Variants in NRP2 observed in about 807,000 individuals in gnomAD.
NRP2 encodes neuropilin 2.
NRP2 carries 52 observed loss-of-function variants against 110.4 expected under a neutral mutation model. That is an observed-to-expected ratio of 0.47 (90% CI 0.38 to 0.59). NRP2 has a LOEUF of 0.59. Ranked by LOEUF, NRP2 falls within the 20% of genes least tolerant of loss-of-function variation. The pLI is 0.00. For missense variants in NRP2, 1,049 were observed against 1,203.0 expected (o/e 0.87, Z 1.89); for synonymous variants, 508 against 468.9 (o/e 1.08, Z -1.08).
intron 1 of NRP2, among the ~76,000 whole-genome samples, chr2:205,691,624 CT>C (rs1170543351): frequency 6.6e-6 from 1 of 152,192 alleles, no homozygotes; most frequent in African/African-American, 2.4e-5. Context: ...TATTATATTA[CT>C]TTTTTTTCTC....
rs565041244 is a variant in NRP2, at chr2:205,755,099, G to A, written c.2044+2124G>A. 2.6e-4 allele frequency among the ~76,000 whole-genome samples: 39 copies of A among 152,222 alleles called. No homozygotes were observed. In the South Asian group the frequency reaches 7.1e-3, roughly 28 times the overall value. On this transcript the variant is annotated intron_variant, in intron 12 of 16. Coordinates refer to ENST00000357785, the MANE Select transcript of NRP2 (RefSeq NM_003872.3). ...GGCCTGGACCTCTGTTTCTTCACCC[G>A]TTCACCACCGCCTCCTCCTCGTCCA...
rs1314025691 is a variant in NRP2 at position 205,682,542 on chromosome 2, C to CACAT, written c.-748_-745dup. 4 of 153,652 alleles carry CACAT rather than the reference C, an allele frequency of 2.6e-5. No homozygotes were observed. The highest frequency in any genetic ancestry group is 9.6e-5 in the African/African-American group (4 of 41,464). 9.5% of individuals were successfully genotyped at this position (153,652 alleles called of 1,614,324 possible). ...GCACCAGCCTGCAGCCGGCCCCCAGCACATCCTCAGCCGCACAGACACTCG... is the reference window on the plus strand; with the variant it reads ...GCACCAGCCTGCAGCCGGCCCCCAGCACATACATCCTCAGCCGCACAGACACTCG... On this transcript the variant is annotated 5_prime_UTR_variant, in exon 1 of 17. Transcript: ENST00000357785. The surrounding 1 kb of genome is among the most constrained non-coding windows in gnomAD (Gnocchi z 4.3).
intron 15 of NRP2, among the ~76,000 whole-genome samples, chr2:205,788,060 C>T (rs1185992614): frequency 6.6e-6 from 1 of 152,092 alleles, no homozygotes; most frequent in East Asian, 1.9e-4. Context: ...GTTTCTGGAA[C>T]AGTCTTGTGG....
In NRP2 at chr2:205,766,772, G is replaced by T; in HGVS notation, c.2405-11G>T. ...TTTAACTAAGTCCAATTTTTTGTTTGTTTTTTTCAGAACCCATCTCGGCTT... is the reference window on the plus strand; with the variant it reads ...TTTAACTAAGTCCAATTTTTTGTTTTTTTTTTTCAGAACCCATCTCGGCTT... On this transcript the variant is annotated splice_polypyrimidine_tract_variant and intron_variant, in intron 14 of 16. Transcript: ENST00000357785. The T allele has an allele frequency of 6.2e-7, 1 of 1,612,190 alleles. No individual in the cohort carries two copies. Among genetic ancestry groups the T allele is most frequent in the South Asian group, 1.1e-5 (1 of 90,908 alleles).
At chr2:205,747,560 A>G (rs1327577310) in intron 10 of NRP2, among the ~76,000 whole-genome samples, 2 of 152,240 alleles carry the variant, frequency 1.3e-5, no homozygotes, top group African/African-American at 2.4e-5. Flanking sequence ...TATAGTCGGT[A>G]TGTTTTAAAA....
intron 2 of NRP2, among the ~76,000 whole-genome samples, chr2:205,701,965 C>T (rs2056569152): frequency 6.6e-6 from 1 of 152,204 alleles, no homozygotes; most frequent in Non-Finnish European, 1.5e-5. Context: ...CCAGTATTGC[C>T]ATAATTGGAA....
At chr2:205,692,374 T>A (rs997936451) in intron 1 of NRP2, among the ~76,000 whole-genome samples, 1 of 152,234 alleles carries the variant, frequency 6.6e-6, no homozygotes, top group Admixed American at 6.5e-5. Context: ...CAGGCTGAAG[T>A]TGCTTTGAAT....
chr2:205,792,369 C>T (rs752224111), intron 16 of NRP2, 84 bp downstream of exon 16: 34 of 945,568 alleles, frequency 3.6e-5, no homozygotes, highest in East Asian at 9.6e-5. Context: ...CTCTGGGTAT[C>T]GGAGGGCCCA....
At chr2:205,691,787 A>G (rs372974653) in intron 1 of NRP2, among the ~76,000 whole-genome samples, 5 of 152,328 alleles carry the variant, frequency 3.3e-5, no homozygotes, top group African/African-American at 1.2e-4. Context: ...CATAAATATA[A>G]ACTAATGACA....
At chr2:205,755,015 A>G (rs1252555629) in intron 12 of NRP2, among the ~76,000 whole-genome samples, 2 of 152,138 alleles carry the variant, frequency 1.3e-5, no homozygotes, top group Non-Finnish European at 2.9e-5. Context: ...CCAGGCCACA[A>G]GGCCACCAAT....
At chr2:205,721,189 T>C (rs2057004272) in intron 3 of NRP2, among the ~76,000 whole-genome samples, 1 of 152,202 alleles carries the variant, frequency 6.6e-6, no homozygotes, top group Admixed American at 6.5e-5. Flanking sequence ...AAGGCATCGC[T>C]GCAGGCTCAG....
intron 7 of NRP2, among the ~76,000 whole-genome samples, chr2:205,728,860 G>T (rs2057181695): frequency 1.3e-5 from 2 of 152,240 alleles, no homozygotes; most frequent in Non-Finnish European, 2.9e-5. Context: ...GATGCCCCCT[G>T]CAGAGCAGGA....
intron 7 of NRP2, among the ~76,000 whole-genome samples, chr2:205,736,718 T>C (rs2057349778): frequency 2.6e-5 from 4 of 152,168 alleles, no homozygotes; most frequent in Admixed American, 2.6e-4. Flanking sequence ...GTATCTAAGG[T>C]TTATTGATTT....
At chr2:205,788,257 A>C (rs1411394957) in intron 15 of NRP2, among the ~76,000 whole-genome samples, 1 of 152,114 alleles carries the variant, frequency 6.6e-6, no homozygotes, top group East Asian at 1.9e-4. Flanking sequence ...AAATGACCAG[A>C]GTTTTGTGAA....
At chr2:205,765,593 A>T in intron 14 of NRP2, 23 bp downstream of exon 14, 1 of 1,591,966 alleles carries the variant, frequency 6.3e-7, no homozygotes. Flanking sequence ...CTGTCTCTTC[A>T]TGGTTCTTTC....
intron 2 of NRP2, among the ~76,000 whole-genome samples, chr2:205,708,269 G>A (rs1031361050): frequency 3.9e-5 from 6 of 152,262 alleles, no homozygotes; most frequent in African/African-American, 7.2e-5. Flanking sequence ...CATTGGCACC[G>A]GTTGCCTAGA....
In NRP2 at chr2:205,725,115, T is replaced by C. The variant is rs2057103300; in HGVS notation, c.821-798T>C. Among the ~76,000 whole-genome samples the C allele has an allele frequency of 6.6e-6, 1 of 152,336 alleles. No individual in the cohort carries two copies. Among genetic ancestry groups the C allele is most frequent in the East Asian group, 1.9e-4 (1 of 5,190 alleles). The stretch of plus-strand genomic sequence containing the variant: ...GGTTGCTGGGTTTTGCATTTGTTTT[T>C]TCATCAAAGAGCTTCTGAAGATTGA... On this transcript the variant is annotated intron_variant, in intron 5 of 16. Coordinates refer to ENST00000357785, the MANE Select transcript of NRP2 (RefSeq NM_003872.3). This position sits in a 1 kb window ranked among gnomAD's most constrained non-coding sequence, Gnocchi z 4.1.
At chr2:205,747,714 C>T (rs759660594) in intron 10 of NRP2, among the ~76,000 whole-genome samples, 1 of 152,188 alleles carries the variant, frequency 6.6e-6, no homozygotes, top group Non-Finnish European at 1.5e-5. Context: ...CCAGAGGTCA[C>T]TCAGCTGGAT....
chr2:205,683,287 C>CA lies in NRP2; in HGVS notation c.1dup. ...CAGCTCTGGAAAGAGCCACCTTCTCCAAAATGGATATGTTTCCTCTCACCT... is the reference window on the plus strand; with the variant it reads ...CAGCTCTGGAAAGAGCCACCTTCTCCAAAAATGGATATGTTTCCTCTCACCT... On this transcript the variant is annotated 5_prime_UTR_variant, in exon 1 of 17. Transcript: ENST00000357785. 6.2e-7 allele frequency: 1 copy of CA among 1,612,320 alleles called. No homozygotes were observed. The highest frequency in any genetic ancestry group is 1.3e-5 in the African/African-American group (1 of 75,016).
Sources: allele counts gnomAD v4.1 joint callset (sites outside exome capture counted in the v4.1 genomes callset), GRCh38; gene constraint gnomAD v4.1.1; non-coding constraint Gnocchi (gnomAD v3.1); transcripts MANE v1.5; gene names NCBI Gene and HGNC (gene_info 2026-07-23, HGNC 2026-07-21).